The following MYO9B variants were observed in gnomAD, a reference collection of about 807,000 sequenced individuals.
The protein encoded by MYO9B is unconventional myosin-IXb.
In MYO9B, 71 loss-of-function variants were observed where a neutral mutation model predicts 229.5. That is an observed-to-expected ratio of 0.31 (90% CI 0.26 to 0.38). The LOEUF is 0.38. MYO9B is among the 10% of genes least tolerant of loss of function. The pLI is 1.00. For synonymous variants in MYO9B, 1,185 were observed against 1,235.8 expected (o/e 0.96, Z 0.86); for missense variants, 2,255 against 2,920.5 (o/e 0.77, Z 5.25).
At chr19:17,184,684 A>G in intron 16 of MYO9B, 181 bp from the exon 17 acceptor site, 1 of 706,576 alleles carries the variant, frequency 1.4e-6, no homozygotes, top group Admixed American at 2.9e-5. Flanking sequence ...CAAGGTGCAA[A>G]CCCACCTCAT....
At position 17,197,415 on chromosome 19, in the gene MYO9B, G is replaced by GATAGATAC. The variant is rs1394380854; in HGVS notation, c.4047-370_4047-369insCATAGATA. On this transcript the variant is annotated intron_variant, in intron 22 of 39. Coordinates refer to ENST00000682292, the MANE Select transcript of MYO9B (RefSeq NM_004145.4). ...TGGATGGATAGATAGATGATAGATA[G>GATAGATAC]ATAGATAGATAGATAGATAGATAGA... Among the ~76,000 whole-genome samples the GATAGATAC allele has an allele frequency of 2.8e-3, 306 of 109,488 alleles. 1 individual carries two copies. The highest frequency in any genetic ancestry group is 0.011 in the African/African-American group (291 of 26,042). The allele number at this position is 109,488 out of a possible 152,430, so 71.8% of individuals were successfully genotyped here.
rs998136819 is a variant in MYO9B at position 17,101,823 on chromosome 19, G to A, written c.106G>A (p.Val36Met). The change falls in exon 2 of 40, where the codon GTG (valine) becomes ATG (methionine). Residue 36 changes from valine (V) to methionine (M), a missense_variant. Coordinates refer to ENST00000682292, the MANE Select transcript of MYO9B (RefSeq NM_004145.4). The surrounding 1 kb of genome is among the most constrained non-coding windows in gnomAD (Gnocchi z 4.7). Reference sequence around the variant, plus strand: ...CACCGAGAGCCAGGCCTCGTGCCGCGTGACTGCCACCAAGGACAGCACCAC... The same window carrying A: ...CACCGAGAGCCAGGCCTCGTGCCGCATGACTGCCACCAAGGACAGCACCAC... ...STTESQASCRVTATKDSTTSD... is the reference protein window; with the variant it reads ...STTESQASCRMTATKDSTTSD... 3.1e-6 allele frequency: 5 copies of A among 1,609,454 alleles called. No homozygotes were observed. Among genetic ancestry groups the A allele is most frequent in the Non-Finnish European group, 4.2e-6 (5 of 1,179,260 alleles).
chr19:17,186,570 A>G (rs2072921557), intron 18 of MYO9B, among the ~76,000 whole-genome samples: 1 of 152,070 alleles, frequency 6.6e-6, no homozygotes, highest in African/African-American at 2.4e-5. Context: ...ACCTGGGGAG[A>G]TGCTCCGTAG....
At chr19:17,206,408 G>C (rs2073163009) in intron 33 of MYO9B, 32 bp downstream of exon 33, 1 of 1,602,662 alleles carries the variant, frequency 6.2e-7, no homozygotes, top group Non-Finnish European at 8.5e-7. Context: ...GTGGCAGCAG[G>C]TGGCCACAGC....
intron 20 of MYO9B, among the ~76,000 whole-genome samples, chr19:17,191,960 T>C (rs1042200921): frequency 5.3e-5 from 8 of 151,830 alleles, no homozygotes; most frequent in African/African-American, 1.9e-4. Flanking sequence ...TCATTTCTTT[T>C]TTCTTTTTTG....
chr19:17,207,254 C>G lies in MYO9B; in HGVS notation c.5624+10C>G, dbSNP rs777289886. 6.3e-7 allele frequency: 1 copy of G among 1,590,052 alleles called. No individual in the cohort carries two copies. The highest frequency in any genetic ancestry group is 8.6e-7 in the Non-Finnish European group (1 of 1,169,568). On this transcript the variant is annotated intron_variant, in intron 35 of 39. Coordinates refer to ENST00000682292, the MANE Select transcript of MYO9B (RefSeq NM_004145.4). ...TCCTCAAGATCACCACGTGAGTGCC[C>G]ACCCTGCCCCGGAGGCATGCTCAGG...
At chr19:17,120,569 A>G (rs929501956) in intron 2 of MYO9B, among the ~76,000 whole-genome samples, 3 of 145,710 alleles carry the variant, frequency 2.1e-5, no homozygotes, top group Non-Finnish European at 4.5e-5. Flanking sequence ...TAGGAGGCAG[A>G]GGTTATAGTT....
intron 6 of MYO9B, among the ~76,000 whole-genome samples, chr19:17,155,650 G>A (rs1390147293): frequency 1.3e-5 from 2 of 152,040 alleles, no homozygotes; most frequent in Admixed American, 1.3e-4. Flanking sequence ...GCACACACCT[G>A]TAGTCCCAGC....
chr19:17,187,759 C>T (rs144457520), intron 18 of MYO9B, among the ~76,000 whole-genome samples, 176 bp from the exon 19 acceptor site: 37 of 152,108 alleles, frequency 2.4e-4, no homozygotes, highest in African/African-American at 8.4e-4. Context: ...ACTCCCAGGT[C>T]GGCTAGCCAG....
intron 35 of MYO9B, chr19:17,207,597 C>T (rs1452775588): frequency 1.3e-5 from 2 of 151,828 alleles, no homozygotes; most frequent in Non-Finnish European, 2.9e-5. Flanking sequence ...AAAATTAGGC[C>T]AGGCGTGGTG....
In MYO9B at chr19:17,198,287, C is replaced by T. The variant is rs193007687; in HGVS notation, c.4217C>T (p.Pro1406Leu). 2.2e-4 allele frequency: 360 copies of T among 1,613,846 alleles called. 1 individual carries two copies. The African/African-American group carries it at 3.3e-3, about 15-fold the overall frequency. ...ASSLPDAGLS[P>L]GSQVDSKSTF... The stretch of plus-strand genomic sequence containing the variant: ...TCCCTCCCAGACGCAGGGCTGTCCC[C>T]GGGCTCTCAGGTCGACTCTAAGTAA... Residue 1406 changes from proline to leucine, a missense_variant, in exon 24 of 40, where the codon CCG becomes CTG. This residue lies in a region of MYO9B where 679 missense variants were observed against 770.2 expected (regional missense o/e 0.88). Coordinates refer to ENST00000682292, the MANE Select transcript of MYO9B (RefSeq NM_004145.4).
chr19:17,204,248 G>C (rs942654084), intron 30 of MYO9B, among the ~76,000 whole-genome samples: 2 of 151,946 alleles, frequency 1.3e-5, no homozygotes, highest in African/African-American at 4.8e-5. Context: ...CAAGGCGTCA[G>C]CTGGGTGGCC....
At chr19:17,085,856 A>C (rs1344319451) in intron 1 of MYO9B, among the ~76,000 whole-genome samples, 1 of 152,070 alleles carries the variant, frequency 6.6e-6, no homozygotes, top group Non-Finnish European at 1.5e-5. Context: ...GTGTGATTGC[A>C]CAGCAGGATA....
intron 22 of MYO9B, among the ~76,000 whole-genome samples, chr19:17,196,651 C>G (rs1246728704): frequency 6.6e-6 from 1 of 150,754 alleles, no homozygotes; most frequent in Non-Finnish European, 1.5e-5. Flanking sequence ...TCACTGCACT[C>G]CAGCCTGGAT....
At chr19:17,202,977 C>T in intron 29 of MYO9B, 94 bp downstream of exon 29, 1 of 1,473,582 alleles carries the variant, frequency 6.8e-7, no homozygotes, top group South Asian at 1.2e-5. Flanking sequence ...ATGGGCCCGT[C>T]TGCACGCGTA....
chr19:17,138,056 C>T (rs28473332), intron 2 of MYO9B, among the ~76,000 whole-genome samples: 32,979 of 151,946 alleles, frequency 0.22, 3,751 homozygotes, highest in African/African-American at 0.24. Flanking sequence ...CTCCTAGCCC[C>T]CTACCCCCTA....
At chr19:17,125,306 C>CT in intron 2 of MYO9B, among the ~76,000 whole-genome samples, 1 of 138,958 alleles carries the variant, frequency 7.2e-6, no homozygotes, top group African/African-American at 2.9e-5. Flanking sequence ...ATCCCCCCCC[C>CT]CCCAAAAAAA....
chr19:17,194,784 G>T lies in MYO9B; in HGVS notation c.3357G>T (p.Glu1119Asp). 1 of 1,613,390 alleles carries T rather than the reference G, an allele frequency of 6.2e-7. No individual in the cohort carries two copies. Among genetic ancestry groups the T allele is most frequent in the Non-Finnish European group, 8.5e-7 (1 of 1,179,894 alleles). The change falls in exon 22 of 40, where the codon GAG (glutamate) becomes GAT (aspartate). Residue 1119 changes from glutamate (E) to aspartate (D), a missense_variant. Physicochemically the swap from Glu to Asp is conservative, Grantham distance 45. Coordinates refer to ENST00000682292, the MANE Select transcript of MYO9B (RefSeq NM_004145.4). ...TAGAGCACTCCTCACCTGAGAAGGA[G>T]GCCCCAAGCCCAGAGAAGACTCTCC... is the stretch of plus-strand genomic sequence containing the variant. The part of the protein sequence containing the change: ...SPLEHSSPEK[E>D]APSPEKTLPP...
At chr19:17,115,810 A>G (rs1361257320) in intron 2 of MYO9B, among the ~76,000 whole-genome samples, 2 of 151,602 alleles carry the variant, frequency 1.3e-5, no homozygotes, top group Non-Finnish European at 2.9e-5. Flanking sequence ...CCCCCTTCCC[A>G]AATGTAATGA....
Sources: allele counts gnomAD v4.1 joint callset (sites outside exome capture counted in the v4.1 genomes callset), GRCh38; gene constraint gnomAD v4.1.1; regional missense constraint gnomAD v4.1.1; non-coding constraint Gnocchi (gnomAD v3.1); transcripts MANE v1.5; gene names NCBI Gene and HGNC (gene_info 2026-07-23, HGNC 2026-07-21).